SCARA3: variants seen among roughly 807,000 people sequenced by gnomAD.
The protein encoded by SCARA3 is cellular stress response gene protein.
A neutral mutation model predicts 47.0 loss-of-function variants in SCARA3; 39 were observed. The ratio of observed to expected loss-of-function variants is 0.83; its 90% CI spans 0.64 to 1.08. SCARA3 has a LOEUF of 1.08. Among genes scored for constraint, SCARA3 ranks in the 50% least tolerant of loss-of-function variants. The pLI is 0.00. For missense variants in SCARA3, 724 were observed against 792.3 expected (o/e 0.91, Z 1.04); for synonymous variants, 356 against 334.1 (o/e 1.07, Z -0.71).
At chr8:27,693,143 A>AG in the SCARA3 span, among the ~76,000 whole-genome samples, 1 of 49,660 alleles carries the variant, frequency 2.0e-5, no homozygotes, top group Non-Finnish European at 4.3e-5. Context: ...AAAAAAAAAG[A>AG]AAAAGAAAAG....
intron 1 of SCARA3, among the ~76,000 whole-genome samples, chr8:27,646,460 T>C (rs1394974809): frequency 6.6e-6 from 1 of 152,152 alleles, no homozygotes; most frequent in Non-Finnish European, 1.5e-5. Flanking sequence ...CTGCAAAGGC[T>C]ATAAACAGTG....
intron 3 of SCARA3, among the ~76,000 whole-genome samples, chr8:27,656,240 G>T (rs577009962): frequency 6.6e-6 from 1 of 152,284 alleles, no homozygotes; most frequent in South Asian, 2.1e-4. Context: ...ATTAGCTGTT[G>T]TTAGTCTCTT....
Position 27,660,830 on chromosome 8 carries a change from ATAGC to A in SCARA3, c.1369+1303_1369+1306del, listed in dbSNP as rs141475748. Among the ~76,000 whole-genome samples the A allele has an allele frequency of 5.5e-3, 722 of 131,240 alleles. 3 individuals carry two copies. The highest frequency in any genetic ancestry group is 0.016 in the African/African-American group (591 of 36,752). 86.1% of individuals were successfully genotyped at this position (131,240 alleles called of 152,430 possible). The stretch of plus-strand genomic sequence containing the variant: ...GATAGAAAATAGATATAGATAGAAG[ATAGC>A]TAGCTAGCTAGATAGATAGATAGAT... On this transcript the variant is annotated intron_variant, in intron 5 of 5. Coordinates refer to ENST00000301904, the MANE Select transcript of SCARA3 (RefSeq NM_016240.3).
Position 27,658,988 on chromosome 8 carries a change from G to T in SCARA3, c.818G>T (p.Gly273Val), listed in dbSNP as rs747982537. Reference sequence around the variant, plus strand: ...CTGCGCACCACCTCCACCAAGACTGGAGAGGCGGTCAAGAACATCCAGGCC... The same window carrying T: ...CTGCGCACCACCTCCACCAAGACTGTAGAGGCGGTCAAGAACATCCAGGCC... ...SGLRTTSTKT[G>V]EAVKNIQATL... The change falls in exon 5 of 6, where the codon GGA (glycine) becomes GTA (valine). Residue 273 changes from glycine to valine, a missense_variant. Physicochemically the swap from Gly to Val is moderately radical, Grantham distance 109. Transcript: ENST00000301904. 3 of 1,614,108 alleles carry T rather than the reference G, an allele frequency of 1.9e-6. No individual in the cohort carries two copies. The highest frequency in any genetic ancestry group is 2.5e-6 in the Non-Finnish European group (3 of 1,180,018).
At chr8:27,681,407 A>G (rs1471367962), downstream of SCARA3, among the ~76,000 whole-genome samples, 1 of 152,208 alleles carries the variant, frequency 6.6e-6, no homozygotes, top group Non-Finnish European at 1.5e-5. Context: ...CTTGGTAACA[A>G]ATTTGACAAA....
chr8:27,651,164 G>A (rs915709308), intron 2 of SCARA3, among the ~76,000 whole-genome samples: 3 of 152,234 alleles, frequency 2.0e-5, no homozygotes, highest in Non-Finnish European at 4.4e-5. Flanking sequence ...TCACTCAGTG[G>A]GGCCTCAGGC....
chr8:27,658,481 C>G lies in SCARA3; in HGVS notation c.326-15C>G, dbSNP rs978284639. 3 of 1,580,534 alleles carry G rather than the reference C, an allele frequency of 1.9e-6. No homozygotes were observed. The highest frequency in any genetic ancestry group is 2.6e-6 in the Non-Finnish European group (3 of 1,165,792). On this transcript the variant is annotated splice_polypyrimidine_tract_variant and intron_variant, in intron 4 of 5. Coordinates refer to ENST00000301904, the MANE Select transcript of SCARA3 (RefSeq NM_016240.3). The stretch of plus-strand genomic sequence containing the variant: ...GCCCTTCAGCAACTCAAACTGTTAT[C>G]CCTTTCCCCTAAAGATCCGAAAGCC...
intron 5 of SCARA3, among the ~76,000 whole-genome samples, chr8:27,667,647 A>G (rs1035891073): frequency 2.0e-5 from 3 of 152,214 alleles, no homozygotes; most frequent in African/African-American, 7.2e-5. Context: ...CCTGCCTGGG[A>G]CATAGCAGAC....
the SCARA3 span, among the ~76,000 whole-genome samples, chr8:27,716,799 A>C: frequency 6.6e-6 from 1 of 152,234 alleles, no homozygotes; most frequent in Admixed American, 6.5e-5. Context: ...ACTTCAGTAC[A>C]AAATGGGATA....
chr8:27,651,446 G>A, intron 2 of SCARA3, 62 bp from the exon 3 acceptor site: 2 of 1,581,572 alleles, frequency 1.3e-6, no homozygotes, highest in Non-Finnish European at 1.7e-6. Context: ...ACATGGAACT[G>A]ACCCTTCAGC....
the SCARA3 span, among the ~76,000 whole-genome samples, chr8:27,719,344 G>T: frequency 6.6e-6 from 1 of 152,074 alleles, no homozygotes; most frequent in Non-Finnish European, 1.5e-5. Context: ...ACACGTGGAC[G>T]CATAGAAGGG....
At chr8:27,664,993 A>T (rs1321572037) in intron 5 of SCARA3, among the ~76,000 whole-genome samples, 2 of 152,172 alleles carry the variant, frequency 1.3e-5, no homozygotes, top group Admixed American at 1.3e-4. Flanking sequence ...TTCTCTGGGG[A>T]CCTGGTCACT....
chr8:27,688,647 A>G, the SCARA3 span, among the ~76,000 whole-genome samples: 1 of 152,120 alleles, frequency 6.6e-6, no homozygotes, highest in Admixed American at 6.5e-5. Context: ...GGGTAGGGAG[A>G]GAGCAAAGTT....
At chr8:27,713,593 C>T in the SCARA3 span, among the ~76,000 whole-genome samples, 2 of 152,140 alleles carry the variant, frequency 1.3e-5, no homozygotes, top group African/African-American at 4.8e-5. Flanking sequence ...TGCTTTGATG[C>T]TCAGATTATC....
downstream of SCARA3, among the ~76,000 whole-genome samples, chr8:27,680,433 G>A (rs1236465156): frequency 2.6e-5 from 4 of 151,976 alleles, no homozygotes; most frequent in African/African-American, 9.7e-5. Flanking sequence ...TTTGAACAAG[G>A]TTATACCACC....
intron 3 of SCARA3, among the ~76,000 whole-genome samples, chr8:27,653,805 A>G (rs777754191): frequency 6.6e-6 from 1 of 152,184 alleles, no homozygotes; most frequent in Non-Finnish European, 1.5e-5. Context: ...TTAGTAAAAC[A>G]CAGACCCTGC....
At chr8:27,687,793 G>C in the SCARA3 span, among the ~76,000 whole-genome samples, 1 of 152,070 alleles carries the variant, frequency 6.6e-6, no homozygotes, top group South Asian at 2.1e-4. Context: ...AAGGCAGGTG[G>C]ATCTCCTGAG....
chr8:27,670,469 C>T (rs985788187), intron 5 of SCARA3, among the ~76,000 whole-genome samples: 1 of 152,196 alleles, frequency 6.6e-6, no homozygotes, highest in Non-Finnish European at 1.5e-5. Context: ...ACCTATTTCT[C>T]ATGCCCCACT....
chr8:27,665,254 G>C (rs1470952627), intron 5 of SCARA3, among the ~76,000 whole-genome samples: 1 of 152,216 alleles, frequency 6.6e-6, no homozygotes, highest in Non-Finnish European at 1.5e-5. Context: ...GCTTCATTCA[G>C]CTGTAAATGA....
Sources: allele counts gnomAD v4.1 joint callset (sites outside exome capture counted in the v4.1 genomes callset), GRCh38; gene constraint gnomAD v4.1.1; transcripts MANE v1.5; gene names NCBI Gene and HGNC (gene_info 2026-07-23, HGNC 2026-07-21).